Variants in SYNE2 observed in about 807,000 individuals in gnomAD.
The protein encoded by SYNE2 is spectrin repeat containing nuclear envelope protein 2, also known as nesprin-2.
Under a neutral mutation model 856.3 loss-of-function variants are expected in SYNE2, and 431 were observed. The observed-to-expected ratio is 0.50, with a 90% CI of 0.47 to 0.55. The LOEUF is 0.55. Ranked by LOEUF, SYNE2 falls within the 20% of genes least tolerant of loss-of-function variation. SYNE2 has a pLI of 0.00. For synonymous variants in SYNE2, 2,923 were observed against 2,872.3 expected, an observed-to-expected ratio of 1.02 and a Z score of -0.56; for missense variants, 8,129 against 8,023.2, an observed-to-expected ratio of 1.01 and a Z score of -0.50.
chr14:64,218,598 C>T, intron 109 of SYNE2, 86 bp downstream of exon 109: 1 of 1,303,100 alleles, frequency 7.7e-7, no homozygotes, highest in Non-Finnish European at 1.1e-6. Flanking sequence ...AGATATTAAC[C>T]AACTATACGA....
chr14:63,787,326 ATCT>A (rs1303840921), intron 1 of SYNE2, among the ~76,000 whole-genome samples: 3 of 152,124 alleles, frequency 2.0e-5, no homozygotes, highest in African/African-American at 7.2e-5. Context: ...TAACTGACTC[ATCT>A]TCTTCCCCAC....
chr14:63,893,770 AGT>A (rs773903149), intron 1 of SYNE2, among the ~76,000 whole-genome samples: 9 of 152,208 alleles, frequency 5.9e-5, no homozygotes, highest in Non-Finnish European at 1.0e-4. Context: ...GGGTAGGCTC[AGT>A]GTGGAGAGTC....
intron 55 of SYNE2, 82 bp from the exon 56 acceptor site, chr14:64,080,374 G>A: frequency 2.3e-6 from 3 of 1,332,062 alleles, no homozygotes; most frequent in Non-Finnish European, 3.2e-6. Flanking sequence ...ATTTATAAAT[G>A]TAAATACTGT....
In SYNE2 at chr14:64,152,296, C is replaced by T. The variant is rs554974561; in HGVS notation, c.15640-268C>T. ...GGTCAAACAGCCAGTGCAGGGCAGA[C>T]GTGGAATGGGGACCAGATCTCGGAC... is the stretch of plus-strand genomic sequence containing the variant. On this transcript the variant is annotated intron_variant, in intron 84 of 115. Transcript: ENST00000555002. Among the ~76,000 whole-genome samples the T allele has an allele frequency of 1.1e-4, 16 of 152,250 alleles. No individual in the cohort carries two copies. In the East Asian group the frequency reaches 1.9e-3, roughly 18 times the overall value.
At chr14:63,898,185 C>T (rs2095284308) in intron 1 of SYNE2, among the ~76,000 whole-genome samples, 1 of 152,092 alleles carries the variant, frequency 6.6e-6, no homozygotes, top group Non-Finnish European at 1.5e-5. Context: ...CCTGTAGTCA[C>T]ATCCCTCCTT....
intron 45 of SYNE2, among the ~76,000 whole-genome samples, chr14:64,037,546 C>G (rs182511507): frequency 1.4e-5 from 2 of 146,072 alleles, no homozygotes; most frequent in Non-Finnish European, 1.5e-5. Context: ...TACACAGACA[C>G]GGCAACCATC....
intron 45 of SYNE2, among the ~76,000 whole-genome samples, chr14:64,034,065 A>G (rs927393853): frequency 1.6e-4 from 24 of 152,232 alleles, no homozygotes; most frequent in Non-Finnish European, 8.8e-5. Flanking sequence ...TTGAACAGCA[A>G]CTAGCAAAAG....
At chr14:63,900,331 A>G (rs2095319754) in intron 1 of SYNE2, among the ~76,000 whole-genome samples, 1 of 152,240 alleles carries the variant, frequency 6.6e-6, no homozygotes, top group African/African-American at 2.4e-5. Flanking sequence ...GAAGAAAAAG[A>G]GGTTTAATGA....
intron 114 of SYNE2, among the ~76,000 whole-genome samples, 192 bp from the exon 115 acceptor site, chr14:64,224,807 C>T (rs555750630): frequency 2.2e-4 from 34 of 152,154 alleles, no homozygotes; most frequent in Non-Finnish European, 3.1e-4. Flanking sequence ...GACCCTGAAA[C>T]TGAGTAGATT....
intron 51 of SYNE2, among the ~76,000 whole-genome samples, chr14:64,069,797 C>T (rs2097389897): frequency 6.6e-6 from 1 of 152,286 alleles, no homozygotes; most frequent in African/African-American, 2.4e-5. Context: ...GCATGTCTGA[C>T]TGGACATTCA....
intron 1 of SYNE2, among the ~76,000 whole-genome samples, chr14:63,903,799 G>A (rs966174849): frequency 4.4e-5 from 6 of 136,064 alleles, no homozygotes; most frequent in African/African-American, 1.6e-4. Context: ...AATATTCAAT[G>A]AAATGGCCAT....
At chr14:63,973,412 A>AC (rs2054446842) in intron 11 of SYNE2, among the ~76,000 whole-genome samples, 1 of 151,890 alleles carries the variant, frequency 6.6e-6, no homozygotes, top group African/African-American at 2.4e-5. Flanking sequence ...CGGGCGGATC[A>AC]CCTGAGGTCA....
intron 31 of SYNE2, among the ~76,000 whole-genome samples, chr14:64,009,172 C>G (rs2096823903): frequency 6.6e-6 from 1 of 152,058 alleles, no homozygotes; most frequent in Non-Finnish European, 1.5e-5. Flanking sequence ...AACCAGGTGT[C>G]CTAACTGCCA....
chr14:63,912,779 A>G (rs1404264961), intron 2 of SYNE2, among the ~76,000 whole-genome samples: 1 of 152,242 alleles, frequency 6.6e-6, no homozygotes, highest in Admixed American at 6.5e-5. Context: ...TATAGCCCGT[A>G]TGTACAGGGC....
In SYNE2 at chr14:64,126,913, A is replaced by G. The variant is rs139396329; in HGVS notation, c.13917+106A>G. 2.9e-3 allele frequency: 3,542 copies of G among 1,226,588 alleles called. 150 individuals carry two copies. The Admixed American group carries it at 0.065, about 22-fold the overall frequency. 76.0% of individuals were successfully genotyped at this position (1,226,588 alleles called of 1,614,324 possible). A position where few individuals can be genotyped will look rare whatever the true frequency, so the allele number is the denominator to read the frequency against. ...TGACATTTGTTAATAAGAATTGCTAAGGGAAATGATGAGACTCTTCTGTTT... is the reference window on the plus strand; with the variant it reads ...TGACATTTGTTAATAAGAATTGCTAGGGGAAATGATGAGACTCTTCTGTTT... On this transcript the variant is annotated intron_variant, in intron 73 of 115. Coordinates refer to ENST00000555002, the MANE Select transcript of SYNE2 (RefSeq NM_182914.3).
intron 1 of SYNE2, among the ~76,000 whole-genome samples, chr14:63,776,600 C>CTTTT (rs35847392): frequency 8.2e-5 from 11 of 133,428 alleles, no homozygotes; most frequent in East Asian, 4.3e-4. Context: ...TTCTTTCTTT[C>CTTTT]TTTTTTTTTT....
chr14:63,788,558 C>T (rs940831261), intron 1 of SYNE2, among the ~76,000 whole-genome samples: 4 of 152,134 alleles, frequency 2.6e-5, no homozygotes, highest in Non-Finnish European at 5.9e-5. Flanking sequence ...GGGGCTCCTG[C>T]CTGCTCCATG....
Position 64,024,313 on chromosome 14 carries a change from G to C in SYNE2, c.5694G>C (p.Leu1898=). The C allele has an allele frequency of 1.1e-5, 18 of 1,614,136 alleles. No homozygotes were observed. The highest frequency in any genetic ancestry group is 1.5e-5 in the Non-Finnish European group (18 of 1,179,988). ...NSKIKQVDSV[L]KHVKKHLPKA... is the part of the protein sequence containing the mutation. Reference sequence around the variant, plus strand: ...AAATAAAGCAGGTGGACAGCGTACTGAAGCATGTGAAGAAGCATCTGCCCA... The same window carrying C: ...AAATAAAGCAGGTGGACAGCGTACTCAAGCATGTGAAGAAGCATCTGCCCA... Residue 1898 remains leucine, a synonymous_variant, in exon 39 of 116, where the codon CTG becomes CTC. Coordinates refer to ENST00000555002, the MANE Select transcript of SYNE2 (RefSeq NM_182914.3).
intron 45 of SYNE2, among the ~76,000 whole-genome samples, chr14:64,041,452 C>CA (rs200961016): frequency 4.6e-5 from 7 of 151,958 alleles, no homozygotes; most frequent in African/African-American, 7.3e-5. Context: ...ATCCAGAATA[C>CA]AAAAAAATAG....
Sources: gnomAD v4.1 joint callset for allele counts (sites outside exome capture counted in the v4.1 genomes callset) on GRCh38, gnomAD v4.1.1 for gene constraint, MANE v1.5 for transcripts, NCBI Gene and HGNC (gene_info 2026-07-23, HGNC 2026-07-21) for gene names.